The following GXYLT2 variants were observed in gnomAD, a reference collection of about 807,000 sequenced individuals.
GXYLT2 encodes the protein glycosyltransferase 8 domain containing 4.
In GXYLT2, 53 loss-of-function variants were observed where a neutral mutation model predicts 45.8. The observed-to-expected ratio is 1.16, with a 90% confidence interval of 0.93 to 1.46. GXYLT2 has a LOEUF of 1.46. Ranked by LOEUF, GXYLT2 falls within the 40% of genes most tolerant of loss-of-function variation. GXYLT2 has a pLI of 0.00. For missense variants in GXYLT2, 551 were observed against 544.4 expected (o/e 1.01, Z -0.12); for synonymous variants, 219 against 214.2 (o/e 1.02, Z -0.19).
intron 2 of GXYLT2, among the ~76,000 whole-genome samples, chr3:72,908,974 C>T (rs6549488): frequency 0.094 from 14,344 of 152,062 alleles, 725 homozygotes; most frequent in African/African-American, 0.14. Flanking sequence ...AGTCTACCCA[C>T]CTTGGCCTCC....
chr3:72,917,676 G>C (rs1202101456), intron 2 of GXYLT2, among the ~76,000 whole-genome samples: 1 of 150,698 alleles, frequency 6.6e-6, no homozygotes, highest in Non-Finnish European at 1.5e-5. Context: ...AGGATCACCT[G>C]AGCCCAGAGA....
intron 6 of GXYLT2, among the ~76,000 whole-genome samples, chr3:72,972,762 TAAAAAA>T (rs778605805): frequency 3.0e-5 from 2 of 67,624 alleles, no homozygotes; most frequent in African/African-American, 1.0e-4. Context: ...CTACAAAAAT[TAAAAAA>T]AAAAAAAAAA....
At chr3:72,905,663 G>A (rs1041286773) in intron 1 of GXYLT2, among the ~76,000 whole-genome samples, 7 of 152,114 alleles carry the variant, frequency 4.6e-5, no homozygotes, top group African/African-American at 1.7e-4. Context: ...CTGCGGGGGT[G>A]GAAGGTGTAC....
intron 1 of GXYLT2, among the ~76,000 whole-genome samples, chr3:72,903,076 G>T (rs11925587): frequency 6.6e-6 from 1 of 151,998 alleles, no homozygotes; most frequent in Admixed American, 6.5e-5. Flanking sequence ...ATCAAGCTGA[G>T]ACTTTATTGT....
rs1405813635 is a variant in GXYLT2, at chr3:72,967,586, C to G, written c.1016C>G (p.Pro339Arg). 1 of 1,613,704 alleles carries G rather than the reference C, an allele frequency of 6.2e-7. No individual in the cohort carries two copies. The highest frequency in any genetic ancestry group is 8.5e-7 in the Non-Finnish European group (1 of 1,179,824). The change falls in exon 6 of 7, where the codon CCC (proline) becomes CGC (arginine). Residue 339 changes from proline to arginine, a missense_variant. Transcript: ENST00000389617. ...TTCCCCTGCCAGTGGAACTACCGTC[C>G]CGATCACTGCATGTACGGAAGCAAC... ...YVFPCQWNYR[P>R]DHCMYGSNCR...
At chr3:72,951,727 C>G (rs1710529892) in intron 3 of GXYLT2, among the ~76,000 whole-genome samples, 1 of 152,096 alleles carries the variant, frequency 6.6e-6, no homozygotes, top group African/African-American at 2.4e-5. Context: ...ACTTTAAATG[C>G]TTAGTTTAAG....
At chr3:72,913,205 T>C (rs1160287658) in intron 2 of GXYLT2, among the ~76,000 whole-genome samples, 1 of 150,574 alleles carries the variant, frequency 6.6e-6, no homozygotes, top group Non-Finnish European at 1.5e-5. Context: ...GCCCGGCTAA[T>C]TTTTTTGTAT....
chr3:72,901,557 T>A (rs1173013030), intron 1 of GXYLT2, among the ~76,000 whole-genome samples: 12 of 75,540 alleles, frequency 1.6e-4, no homozygotes, highest in Non-Finnish European at 3.8e-4. Context: ...ATTTTCGCTT[T>A]TTTTTTTTTT....
intron 2 of GXYLT2, among the ~76,000 whole-genome samples, chr3:72,921,222 C>T (rs1489994818): frequency 2.6e-5 from 4 of 151,500 alleles, no homozygotes; most frequent in Admixed American, 2.0e-4. Flanking sequence ...TTGCTTTTTC[C>T]AAAACCCAAC....
At chr3:72,953,606 C>T (rs1377317404) in intron 3 of GXYLT2, among the ~76,000 whole-genome samples, 4 of 152,106 alleles carry the variant, frequency 2.6e-5, no homozygotes, top group African/African-American at 9.7e-5. Flanking sequence ...AGAAACTGTG[C>T]CCGGCCCACT....
In GXYLT2 at chr3:72,914,753, T is replaced by C. The variant is rs577257552; in HGVS notation, c.468+6194T>C. On this transcript the variant is annotated intron_variant, in intron 2 of 6. Transcript: ENST00000389617. ...CTGGCTTGTGGTAGGCTCTAACAGA[T>C]TGAAAAGATACCGACGCCATAGAGC... Among the ~76,000 whole-genome samples the C allele has an allele frequency of 3.4e-4, 45 of 132,606 alleles. No individual in the cohort carries two copies. The South Asian group carries it at 8.9e-3, about 26-fold the overall frequency. The allele number at this position is 132,606 out of a possible 152,430, so 87.0% of individuals were successfully genotyped here.
In GXYLT2 at chr3:72,891,032, A is replaced by G. The variant is rs187902973; in HGVS notation, c.275+2524A>G. ...GATTCTGAAGTTGTGAGGGAGCAGGAGGAAAGATCTCTGCTCGGTCTCCTT... is the reference window on the plus strand; with the variant it reads ...GATTCTGAAGTTGTGAGGGAGCAGGGGGAAAGATCTCTGCTCGGTCTCCTT... On this transcript the variant is annotated intron_variant, in intron 1 of 6. Transcript: ENST00000389617. 4.9e-3 allele frequency among the ~76,000 whole-genome samples: 743 copies of G among 152,290 alleles called. 5 individuals carry two copies. Among genetic ancestry groups the G allele is most frequent in the Non-Finnish European group, 7.9e-3 (536 of 68,026 alleles).
chr3:72,929,064 A>G, intron 3 of GXYLT2: 1 of 1,585,012 alleles, frequency 6.3e-7, no homozygotes, highest in South Asian at 1.1e-5. Context: ...TCCACCTCGC[A>G]GGTGCGCCAG....
intron 5 of GXYLT2, among the ~76,000 whole-genome samples, chr3:72,964,607 C>G (rs1575817002): frequency 6.6e-6 from 1 of 152,232 alleles, no homozygotes; most frequent in Non-Finnish European, 1.5e-5. Flanking sequence ...AGGCGTGAGC[C>G]ATTGCACCCA....
Position 72,975,926 on chromosome 3 carries a change from CTTTTTTTTTTT to C in GXYLT2, c.*780_*790del, listed in dbSNP as rs200250227. 5 of 119,538 alleles carry C rather than the reference CTTTTTTTTTTT, an allele frequency of 4.2e-5. No individual in the cohort carries two copies. Among genetic ancestry groups the C allele is most frequent in the Non-Finnish European group, 8.6e-5 (5 of 58,104 alleles). The allele number at this position is 119,538 out of a possible 1,614,324, so 7.4% of individuals were successfully genotyped here. A position where few individuals can be genotyped will look rare whatever the true frequency, so the allele number is the denominator to read the frequency against. Reference sequence around the variant, plus strand: ...GGGTATTTCTTCTTTTTCTTTCTTTCTTTTTTTTTTTTTTTTTTTTTTTGAGACGGAATCTC... The same window carrying C: ...GGGTATTTCTTCTTTTTCTTTCTTTCTTTTTTTTTTTTGAGACGGAATCTC... On this transcript the variant is annotated 3_prime_UTR_variant, in exon 7 of 7. Coordinates refer to ENST00000389617, the MANE Select transcript of GXYLT2 (RefSeq NM_001080393.2).
chr3:72,929,673 C>T (rs1346452846), intron 3 of GXYLT2: 6 of 685,988 alleles, frequency 8.7e-6, no homozygotes, highest in African/African-American at 1.8e-5. Context: ...TTGGGGTTTC[C>T]TTTACTTTTT....
At chr3:72,953,527 C>G (rs1710565916) in intron 3 of GXYLT2, among the ~76,000 whole-genome samples, 1 of 152,116 alleles carries the variant, frequency 6.6e-6, no homozygotes, top group Non-Finnish European at 1.5e-5. Flanking sequence ...TGGGCTCAAG[C>G]TATCTGCCTG....
intron 1 of GXYLT2, among the ~76,000 whole-genome samples, chr3:72,895,622 A>G (rs73838408): frequency 0.01 from 1,548 of 152,332 alleles, 24 homozygotes; most frequent in African/African-American, 0.035. Flanking sequence ...TTTATGTTGT[A>G]TGTATTTTAG....
intron 5 of GXYLT2, among the ~76,000 whole-genome samples, chr3:72,961,674 A>AAAAAAAG (rs1278781750): frequency 0.38 from 44,549 of 116,916 alleles, 11,156 homozygotes; most frequent in Non-Finnish European, 0.54. Flanking sequence ...AAAAAAAAAA[A>AAAAAAAG]AGAGAGAGAG....
Sources: allele counts gnomAD v4.1 joint callset (sites outside exome capture counted in the v4.1 genomes callset), GRCh38; gene constraint gnomAD v4.1.1; transcripts MANE v1.5; gene names NCBI Gene and HGNC (gene_info 2026-07-23, HGNC 2026-07-21).